The following HTR2C variants were observed in gnomAD, a reference collection of about 807,000 sequenced individuals.
HTR2C encodes the protein 5-hydroxytryptamine (serotonin) receptor 2C, G protein-coupled.
A neutral mutation model predicts 21.0 loss-of-function variants in HTR2C; 5 were observed. The ratio of observed to expected loss-of-function variants is 0.24; its 90% CI spans 0.12 to 0.50. HTR2C has a LOEUF of 0.50. Among genes scored for constraint, HTR2C ranks in the 20% least tolerant of loss-of-function variants. The pLI is 0.98. For synonymous variants in HTR2C, 150 were observed against 145.3 expected, an observed-to-expected ratio of 1.03 and a Z score of -0.23; for missense variants, 271 against 371.2, an observed-to-expected ratio of 0.73 and a Z score of 2.22.
At chrX:114,634,831 A>C (rs1024033984) in intron 2 of HTR2C, among the ~76,000 whole-genome samples, 2 of 111,518 alleles carry the variant, frequency 1.8e-5, no homozygotes, top group Non-Finnish European at 3.8e-5. Context: ...ATCAGTAACT[A>C]AATAGAATTC....
rs1556415985 is a variant in HTR2C at position 114,697,093 on chromosome X, A to G, written c.-79-29765A>G. Among the ~76,000 whole-genome samples the G allele has an allele frequency of 2.7e-5, 3 of 112,014 alleles. No homozygotes were observed. The East Asian group carries it at 8.4e-4, about 31-fold the overall frequency. On this transcript the variant is annotated intron_variant, in intron 2 of 5. Transcript: ENST00000276198. ...CAGCCTATTCAGAAATTTCCTTTCC[A>G]TGATCTGACAGCTCTGGGTTTTAAT...
intron 4 of HTR2C, among the ~76,000 whole-genome samples, chrX:114,759,776 A>G (rs1009802960): frequency 9.0e-6 from 1 of 111,194 alleles, no homozygotes; most frequent in Admixed American, 9.7e-5. Context: ...TGCTTGCTCT[A>G]GGGTCTGATC....
intron 2 of HTR2C, among the ~76,000 whole-genome samples, chrX:114,684,485 C>G (rs782774498): frequency 8.9e-6 from 1 of 111,762 alleles, no homozygotes; most frequent in African/African-American, 3.2e-5. Context: ...TCTTAGAAGC[C>G]AGGTATGTAA....
chrX:114,784,311 T>G (rs192683200), intron 4 of HTR2C, among the ~76,000 whole-genome samples: 9 of 111,674 alleles, frequency 8.1e-5, no homozygotes, highest in Non-Finnish European at 1.5e-4. Context: ...ATGCCCAAAA[T>G]TGAAAAGTTA....
At chrX:114,725,367 C>G (rs1381036978) in intron 2 of HTR2C, among the ~76,000 whole-genome samples, 32 of 111,777 alleles carry the variant, frequency 2.9e-4, no homozygotes, top group African/African-American at 1.0e-3. Context: ...TCAGCTCCAT[C>G]AGCTCCTTTA....
chrX:114,679,387 TCTCGCC>T (rs1556413228), intron 2 of HTR2C, among the ~76,000 whole-genome samples: 1 of 110,874 alleles, frequency 9.0e-6, no homozygotes, highest in African/African-American at 3.3e-5. Flanking sequence ...CAAGTGATTC[TCTCGCC>T]TCAGCCTCCT....
chrX:114,876,088 A>G (rs2071132321), intron 5 of HTR2C, among the ~76,000 whole-genome samples: 1 of 110,132 alleles, frequency 9.1e-6, no homozygotes, highest in Non-Finnish European at 1.9e-5. Flanking sequence ...TCTTTTGTCA[A>G]TGTTTTATAG....
intron 3 of HTR2C, among the ~76,000 whole-genome samples, chrX:114,728,888 A>G (rs909945221): frequency 1.8e-5 from 2 of 112,212 alleles, no homozygotes; most frequent in Non-Finnish European, 3.8e-5. Flanking sequence ...ATTTACTTAG[A>G]ACATTTGAGG....
At chrX:114,720,593 G>A (rs1418402471) in intron 2 of HTR2C, among the ~76,000 whole-genome samples, 6 of 94,665 alleles carry the variant, frequency 6.3e-5, no homozygotes, top group Non-Finnish European at 1.3e-4. Flanking sequence ...GTATACATGT[G>A]CCATGCTGGT....
At chrX:114,777,682 C>T (rs1393393431) in intron 4 of HTR2C, among the ~76,000 whole-genome samples, 1 of 110,919 alleles carries the variant, frequency 9.0e-6, no homozygotes, top group African/African-American at 3.3e-5. Flanking sequence ...CGCAGCCTCC[C>T]GAGTAGCTGG....
chrX:114,601,134 A>T (rs1366434586), intron 1 of HTR2C, among the ~76,000 whole-genome samples: 2 of 112,242 alleles, frequency 1.8e-5, no homozygotes, highest in East Asian at 5.6e-4. Context: ...TTCTGAATTC[A>T]TTAGCTTTTA....
At chrX:114,858,139 A>T (rs781994623) in intron 5 of HTR2C, among the ~76,000 whole-genome samples, 1 of 111,146 alleles carries the variant, frequency 9.0e-6, no homozygotes, top group African/African-American at 3.3e-5. Flanking sequence ...TAGTTGAGTA[A>T]GTCTGTCAGC....
intron 4 of HTR2C, among the ~76,000 whole-genome samples, chrX:114,805,721 A>G (rs2070406043): frequency 4.5e-5 from 1 of 22,451 alleles, no homozygotes; most frequent in African/African-American, 1.5e-4. Flanking sequence ...TATATATACC[A>G]TATATACACC....
At chrX:114,714,804 A>G (rs1932955617) in intron 2 of HTR2C, among the ~76,000 whole-genome samples, 1 of 111,606 alleles carries the variant, frequency 9.0e-6, no homozygotes, top group African/African-American at 3.3e-5. Context: ...GTGAGGCTCA[A>G]AAAGTTTGAG....
At chrX:114,619,436 T>C (rs371595041) in intron 2 of HTR2C, among the ~76,000 whole-genome samples, 4 of 111,824 alleles carry the variant, frequency 3.6e-5, no homozygotes, top group African/African-American at 9.7e-5. Context: ...AAAGACAACC[T>C]GATCTGGTTC....
intron 4 of HTR2C, among the ~76,000 whole-genome samples, chrX:114,834,119 A>C (rs1253233531): frequency 2.7e-5 from 3 of 109,609 alleles, no homozygotes; most frequent in Non-Finnish European, 5.7e-5. Context: ...CTTTACTTCC[A>C]AGTATGTGGT....
chrX:114,613,595 G>C (rs190869935), intron 1 of HTR2C, among the ~76,000 whole-genome samples: 1 of 111,768 alleles, frequency 8.9e-6, no homozygotes, highest in Admixed American at 9.5e-5. Flanking sequence ...CTCTATTCAC[G>C]ATGGAGTTGC....
chrX:114,638,521 TA>T (rs1425656422), intron 2 of HTR2C, among the ~76,000 whole-genome samples: 2 of 109,779 alleles, frequency 1.8e-5, no homozygotes, highest in Non-Finnish European at 1.9e-5. Context: ...ATTTATTTAT[TA>T]TTTTTTTCTT....
intron 4 of HTR2C, among the ~76,000 whole-genome samples, chrX:114,762,886 T>C (rs1283388307): frequency 2.7e-5 from 3 of 112,169 alleles, no homozygotes; most frequent in Non-Finnish European, 3.8e-5. Context: ...CATTCACCCC[T>C]GTGCTAACAA....
Sources: gnomAD v4.1 joint callset for allele counts (sites outside exome capture counted in the v4.1 genomes callset) on GRCh38, gnomAD v4.1.1 for gene constraint, MANE v1.5 for transcripts, NCBI Gene and HGNC (gene_info 2026-07-23, HGNC 2026-07-21) for gene names.